SLC17A8: variants seen among roughly 807,000 people sequenced by gnomAD.
SLC17A8 encodes vesicular glutamate transporter 3.
In SLC17A8, 31 loss-of-function variants were observed where a neutral mutation model predicts 58.0. That is an observed-to-expected ratio of 0.53 (90% confidence interval 0.40 to 0.72). The LOEUF (loss-of-function observed/expected upper bound fraction) is 0.72. Ranked by LOEUF, SLC17A8 falls within the 30% of genes least tolerant of loss-of-function variation. The pLI is 0.00. For missense variants in SLC17A8, 655 were observed against 727.8 expected, an observed-to-expected ratio of 0.90 and a Z score of 1.15; for synonymous variants, 228 against 249.0, an observed-to-expected ratio of 0.92 and a Z score of 0.79.
intron 1 of SLC17A8, among the ~76,000 whole-genome samples, chr12:100,358,689 T>C (rs1785010070): frequency 6.6e-6 from 1 of 152,338 alleles, no homozygotes; most frequent in Admixed American, 6.5e-5. Flanking sequence ...ATAACATTTT[T>C]TTCAGAGTGT....
At chr12:100,397,031 C>T (rs776361051) in intron 5 of SLC17A8, among the ~76,000 whole-genome samples, 31 of 152,162 alleles carry the variant, frequency 2.0e-4, no homozygotes, top group Non-Finnish European at 4.4e-4. Context: ...CCCTACCAAC[C>T]TTCCACTTTA....
In SLC17A8 at chr12:100,402,691, C is replaced by T. The variant is rs1475574549; in HGVS notation, c.999C>T (p.Leu333=). ...NFCRSWTFYL[L]LISQPAYFEE... is the part of the protein sequence containing the mutation. ...GCAGAAGCTGGACCTTTTATTTGCTCCTCATAAGTCAGCCTGCTTATTTTG... is the reference window on the plus strand; with the variant it reads ...GCAGAAGCTGGACCTTTTATTTGCTTCTCATAAGTCAGCCTGCTTATTTTG... Residue 333 remains leucine, a synonymous_variant, in exon 8 of 12, where the codon CTC becomes CTT. Coordinates refer to ENST00000323346, the MANE Select transcript of SLC17A8 (RefSeq NM_139319.3). The T allele has an allele frequency of 3.7e-6, 6 of 1,614,064 alleles. No individual in the cohort carries two copies. In the South Asian group the frequency reaches 4.4e-5, roughly 12 times the overall value.
Position 100,420,172 on chromosome 12 carries a change from A to C in SLC17A8, c.*13A>C. 5 of 1,594,578 alleles carry C rather than the reference A, an allele frequency of 3.1e-6. No individual in the cohort carries two copies. Among genetic ancestry groups the C allele is most frequent in the Non-Finnish European group, 4.3e-6 (5 of 1,165,852 alleles). The stretch of plus-strand genomic sequence containing the variant: ...AACTATATCCTAATGTCTGAGAGGC[A>C]CTTCTGTCTTCTCCTTACTTTAGAA... On this transcript the variant is annotated 3_prime_UTR_variant, in exon 12 of 12. Coordinates refer to ENST00000323346, the MANE Select transcript of SLC17A8 (RefSeq NM_139319.3).
At chr12:100,374,792 C>T (rs1159789909) in intron 1 of SLC17A8, among the ~76,000 whole-genome samples, 1 of 151,972 alleles carries the variant, frequency 6.6e-6, no homozygotes, top group African/African-American at 2.4e-5. Context: ...GCCCATGATC[C>T]CTTGAAGTGG....
intron 3 of SLC17A8, 122 bp downstream of exon 3, chr12:100,391,241 T>C: frequency 1.4e-6 from 1 of 733,008 alleles, no homozygotes; most frequent in East Asian, 2.6e-5. Flanking sequence ...TCTGGATAGA[T>C]GCAATTCACA....
chr12:100,418,300 T>C (rs1361467188), intron 11 of SLC17A8, 144 bp downstream of exon 11: 44 of 977,042 alleles, frequency 4.5e-5, no homozygotes, highest in Non-Finnish European at 6.9e-5. Context: ...TTTTTTTTTC[T>C]TCCTTCTTCT....
At chr12:100,402,246 T>C (rs967768954) in intron 6 of SLC17A8, 94 bp from the exon 7 acceptor site, 101 of 1,464,496 alleles carry the variant, frequency 6.9e-5, no homozygotes, top group Admixed American at 4.8e-4. Flanking sequence ...ATTACCCATT[T>C]TACCTGAAAA....
At chr12:100,381,066 G>C (rs1952634224) in intron 2 of SLC17A8, 113 bp downstream of exon 2, 1 of 1,271,428 alleles carries the variant, frequency 7.9e-7, no homozygotes, top group African/African-American at 1.5e-5. Context: ...CAACCTGCCA[G>C]GTTGAAATTA....
In SLC17A8 at chr12:100,421,843, T is replaced by C. The variant is rs920656729; in HGVS notation, c.*1684T>C. The C allele has an allele frequency of 6.6e-6, 1 of 152,062 alleles. No homozygotes were observed. Among genetic ancestry groups the C allele is most frequent in the African/African-American group, 2.4e-5 (1 of 41,404 alleles). The allele number at this position is 152,062 out of a possible 1,614,324, so 9.4% of individuals were successfully genotyped here. On this transcript the variant is annotated 3_prime_UTR_variant, in exon 12 of 12. Transcript: ENST00000323346. ...TGTTAGTAGACATCTTTAAATCTCT[T>C]TAATGAGTGAATCCATGCAAGCCCC...
At chr12:100,394,901 G>GTA (rs1359819789) in intron 4 of SLC17A8, among the ~76,000 whole-genome samples, 1 of 147,802 alleles carries the variant, frequency 6.8e-6, no homozygotes, top group Non-Finnish European at 1.5e-5. Context: ...ACATACACTA[G>GTA]TATATATATT....
intron 2 of SLC17A8, among the ~76,000 whole-genome samples, chr12:100,389,073 C>G (rs956690319): frequency 6.6e-6 from 1 of 152,228 alleles, no homozygotes; most frequent in South Asian, 2.1e-4. Flanking sequence ...CAGGAAGTTT[C>G]CTCTGAGGAA....
chr12:100,365,909 T>C (rs913365609), intron 1 of SLC17A8, among the ~76,000 whole-genome samples: 1 of 152,216 alleles, frequency 6.6e-6, no homozygotes, highest in Non-Finnish European at 1.5e-5. Flanking sequence ...CACGGATATA[T>C]ACTGTCATTC....
intron 1 of SLC17A8, among the ~76,000 whole-genome samples, chr12:100,376,838 C>A (rs147480698): frequency 6.6e-6 from 1 of 151,988 alleles, no homozygotes; most frequent in Non-Finnish European, 1.5e-5. Flanking sequence ...GAGATGGAGT[C>A]TCACTCTGTT....
rs1013536901 is a variant in SLC17A8 at position 100,390,507 on chromosome 12, C to T, written c.355-494C>T. Among the ~76,000 whole-genome samples the T allele has an allele frequency of 7.2e-5, 11 of 151,752 alleles. No individual in the cohort carries two copies. The South Asian group carries it at 8.3e-4, about 11-fold the overall frequency. Reference sequence around the variant, plus strand: ...GAGTACAGGTGCCCGCCACCACGCCCGGCTAATTTTTTTTGTATTTTTAGT... The same window carrying T: ...GAGTACAGGTGCCCGCCACCACGCCTGGCTAATTTTTTTTGTATTTTTAGT... On this transcript the variant is annotated intron_variant, in intron 2 of 11. Transcript: ENST00000323346.
intron 10 of SLC17A8, among the ~76,000 whole-genome samples, chr12:100,414,702 C>T (rs1182970460): frequency 3.3e-5 from 5 of 152,170 alleles, no homozygotes; most frequent in Non-Finnish European, 7.3e-5. Flanking sequence ...AAAACCTTAG[C>T]TGTATTTATT....
chr12:100,363,566 ATGT>A (rs1952498740), intron 1 of SLC17A8, among the ~76,000 whole-genome samples: 1 of 152,048 alleles, frequency 6.6e-6, no homozygotes, highest in Non-Finnish European at 1.5e-5. Context: ...GGGTTTCGGT[ATGT>A]TGGTCAGGCT....
chr12:100,406,742 G>T (rs541806706), intron 9 of SLC17A8, among the ~76,000 whole-genome samples: 78 of 152,088 alleles, frequency 5.1e-4, no homozygotes, highest in African/African-American at 1.8e-3. Context: ...CACTATATTG[G>T]CCAGGCTGGT....
chr12:100,398,583 T>C lies in SLC17A8; in HGVS notation c.676+2166T>C, dbSNP rs12579511. Among the ~76,000 whole-genome samples, 25 of 152,292 alleles carry C rather than the reference T, an allele frequency of 1.6e-4. No homozygotes were observed. In the East Asian group the frequency reaches 3.5e-3, roughly 21 times the overall value. ...GCCTCATTACATGTCCCAGCTAAGG[T>C]GTGGCCTTGGTTTCAAAGAACAGCC... On this transcript the variant is annotated intron_variant, in intron 5 of 11. Coordinates refer to ENST00000323346, the MANE Select transcript of SLC17A8 (RefSeq NM_139319.3).
At chr12:100,405,315 G>C (rs1952819672) in intron 9 of SLC17A8, among the ~76,000 whole-genome samples, 1 of 152,190 alleles carries the variant, frequency 6.6e-6, no homozygotes, top group Admixed American at 6.5e-5. Flanking sequence ...CTCTCCAAGA[G>C]AGCTGTAGCA....
Sources: allele counts gnomAD v4.1 joint callset (sites outside exome capture counted in the v4.1 genomes callset), GRCh38; gene constraint gnomAD v4.1.1; transcripts MANE v1.5; gene names NCBI Gene and HGNC (gene_info 2026-07-23, HGNC 2026-07-21).